Variants in CADPS2 observed in about 807,000 individuals in gnomAD.
CADPS2 encodes calcium-dependent secretion activator 2.
In CADPS2, 93 loss-of-function variants were observed where a neutral mutation model predicts 172.5. That is an observed-to-expected ratio of 0.54 (90% CI 0.46 to 0.64). The LOEUF (loss-of-function observed/expected upper bound fraction) is 0.64. Among genes scored for constraint, CADPS2 ranks in the 30% least tolerant of loss-of-function variants. The probability of loss-of-function intolerance (pLI) is 0.00; values close to 1 mark genes in which losing one functional copy is unlikely to be tolerated. For missense variants in CADPS2, 1,420 were observed against 1,565.9 expected (o/e 0.91, Z 1.57); for synonymous variants, 546 against 555.2 (o/e 0.98, Z 0.23).
intron 2 of CADPS2, among the ~76,000 whole-genome samples, chr7:122,691,964 C>G (rs553445010): frequency 5.9e-5 from 9 of 152,330 alleles, no homozygotes; most frequent in Non-Finnish European, 2.9e-5. Flanking sequence ...CACAGCTCTG[C>G]CCGGAAATTT....
intron 17 of CADPS2, among the ~76,000 whole-genome samples, chr7:122,433,150 G>T (rs1219224572): frequency 2.0e-5 from 3 of 149,724 alleles, no homozygotes; most frequent in Non-Finnish European, 4.5e-5. Context: ...TTTGAGGCGT[G>T]TGTGTGTGTG....
At chr7:122,707,937 C>T (rs1470846811) in intron 2 of CADPS2, among the ~76,000 whole-genome samples, 1 of 151,362 alleles carries the variant, frequency 6.6e-6, no homozygotes, top group Non-Finnish European at 1.5e-5. Context: ...AACTATAATT[C>T]TTATTTCTAT....
chr7:122,571,368 C>A (rs569664040), intron 7 of CADPS2, among the ~76,000 whole-genome samples: 31 of 152,202 alleles, frequency 2.0e-4, no homozygotes, highest in African/African-American at 7.0e-4. Context: ...AGGAAAACCT[C>A]TATTATTCTG....
intron 3 of CADPS2, among the ~76,000 whole-genome samples, chr7:122,635,583 T>C (rs1231540702): frequency 6.6e-6 from 1 of 152,192 alleles, no homozygotes; most frequent in African/African-American, 2.4e-5. Context: ...TCCATTTTCA[T>C]CTATGTCCTT....
chr7:122,522,062 G>A (rs1348044700), intron 8 of CADPS2, among the ~76,000 whole-genome samples: 1 of 152,126 alleles, frequency 6.6e-6, no homozygotes, highest in Non-Finnish European at 1.5e-5. Context: ...AAGAACTGCT[G>A]ATGCAGTTCT....
At chr7:122,817,823 C>T (rs1385037272) in intron 1 of CADPS2, among the ~76,000 whole-genome samples, 3 of 151,868 alleles carry the variant, frequency 2.0e-5, no homozygotes, top group Admixed American at 6.6e-5. Flanking sequence ...TTCCATGCCC[C>T]AACCTCTTAT....
intron 1 of CADPS2, among the ~76,000 whole-genome samples, chr7:122,835,946 T>A (rs1206695625): frequency 1.3e-5 from 2 of 151,968 alleles, no homozygotes; most frequent in Non-Finnish European, 2.9e-5. Context: ...AAGATACTCC[T>A]CGAGAAGAGC....
intron 1 of CADPS2, among the ~76,000 whole-genome samples, chr7:122,766,809 ACT>A (rs1247980352): frequency 1.3e-5 from 2 of 152,078 alleles, no homozygotes. Context: ...GGTAACTGTC[ACT>A]CTGTTTGGCA....
chr7:122,663,240 A>G lies in CADPS2; in HGVS notation c.783T>C (p.Cys261=), dbSNP rs748098504. The change falls in exon 3 of 30, where the codon TGT becomes TGC. Residue 261 remains cysteine (C), a synonymous_variant. Coordinates refer to ENST00000449022, the MANE Select transcript of CADPS2 (RefSeq NM_017954.11). ...GAAAATATCAGAGACCACTTACCTG[A>G]CATGCATTATAAAGGAGCTGGTGTT... ...KLEHQLLYNA[C]QLDNADEQAA... The G allele has an allele frequency of 6.2e-7, 1 of 1,604,808 alleles. No homozygotes were observed. Among genetic ancestry groups the G allele is most frequent in the Non-Finnish European group, 8.5e-7 (1 of 1,172,660 alleles).
At chr7:122,838,740 C>T (rs909458797) in intron 1 of CADPS2, among the ~76,000 whole-genome samples, 1 of 152,128 alleles carries the variant, frequency 6.6e-6, no homozygotes, top group African/African-American at 2.4e-5. Context: ...AGGACCTCTT[C>T]AAGGAGAACT....
chr7:122,819,626 C>T (rs1277809441), intron 1 of CADPS2, among the ~76,000 whole-genome samples: 2 of 149,830 alleles, frequency 1.3e-5, no homozygotes, highest in East Asian at 3.9e-4. Context: ...CCAACTTAGA[C>T]AGTACTCTTT....
intron 3 of CADPS2, among the ~76,000 whole-genome samples, chr7:122,635,902 A>C (rs1204771088): frequency 6.8e-6 from 1 of 147,422 alleles, no homozygotes; most frequent in Non-Finnish European, 1.5e-5. Context: ...AATCTATTCT[A>C]TCTGATATGA....
At chr7:122,398,669 A>G (rs2045489671) in intron 20 of CADPS2, among the ~76,000 whole-genome samples, 1 of 152,034 alleles carries the variant, frequency 6.6e-6, no homozygotes, top group Non-Finnish European at 1.5e-5. Context: ...GAAAATATGA[A>G]TATGGGCTTC....
chr7:122,840,561 A>G (rs1351933407), intron 1 of CADPS2, among the ~76,000 whole-genome samples: 1 of 151,890 alleles, frequency 6.6e-6, no homozygotes, highest in East Asian at 1.9e-4. Flanking sequence ...TGCAAAAAAA[A>G]AAAAAAAGAA....
At chr7:122,805,154 CATTATT>C (rs72001976) in intron 1 of CADPS2, among the ~76,000 whole-genome samples, 30,430 of 151,660 alleles carry the variant, frequency 0.2, 3,798 homozygotes, top group African/African-American at 0.36. Context: ...CATTTTCAAT[CATTATT>C]ATTATTATTA....
intron 6 of CADPS2, among the ~76,000 whole-genome samples, chr7:122,597,707 G>C (rs941078687): frequency 4.6e-5 from 7 of 152,074 alleles, no homozygotes; most frequent in Non-Finnish European, 5.9e-5. Flanking sequence ...TTAGAGGTTA[G>C]AAAAGAGTTT....
At chr7:122,623,148 G>A in intron 4 of CADPS2, among the ~76,000 whole-genome samples, 1 of 146,428 alleles carries the variant, frequency 6.8e-6, no homozygotes, top group East Asian at 2.0e-4. Context: ...TTTCTCTACA[G>A]TTTGAAGCAA....
intron 24 of CADPS2, among the ~76,000 whole-genome samples, chr7:122,380,789 T>C (rs968468194): frequency 2.2e-4 from 33 of 152,110 alleles, no homozygotes; most frequent in Non-Finnish European, 5.9e-5. Flanking sequence ...CTAAAGCATG[T>C]CTGTCTCACT....
At chr7:122,687,687 A>G (rs12538550) in intron 2 of CADPS2, among the ~76,000 whole-genome samples, 21,325 of 152,192 alleles carry the variant, frequency 0.14, 1,581 homozygotes, top group Non-Finnish European at 0.16. Context: ...CTCTATTCCT[A>G]TCACACTTGC....
Sources: gnomAD v4.1 joint callset for allele counts (sites outside exome capture counted in the v4.1 genomes callset) on GRCh38, gnomAD v4.1.1 for gene constraint, MANE v1.5 for transcripts, NCBI Gene and HGNC (gene_info 2026-07-23, HGNC 2026-07-21) for gene names.